The following CALCR variants were observed in gnomAD, a reference collection of about 807,000 sequenced individuals.
CALCR encodes the protein calcitonin receptor.
A neutral mutation model predicts 59.5 loss-of-function variants in CALCR; 47 were observed. That is an observed-to-expected ratio of 0.79 (90% CI 0.63 to 1.01). The LOEUF (loss-of-function observed/expected upper bound fraction) is 1.01. CALCR is among the 50% of genes least tolerant of loss of function. CALCR has a pLI of 0.00. For missense variants in CALCR, 566 were observed against 597.1 expected (o/e 0.95, Z 0.54); for synonymous variants, 213 against 211.3 (o/e 1.01, Z -0.07).
chr7:93,510,143 C>T (rs1283011859), intron 2 of CALCR, among the ~76,000 whole-genome samples: 1 of 152,028 alleles, frequency 6.6e-6, no homozygotes. Flanking sequence ...CAAAGCAGAA[C>T]TCAGAGTAGA....
intron 2 of CALCR, among the ~76,000 whole-genome samples, chr7:93,547,754 A>T (rs141519319): frequency 6.6e-6 from 1 of 152,322 alleles, no homozygotes; most frequent in Non-Finnish European, 1.5e-5. Flanking sequence ...AATTGGTCCC[A>T]GTAACTTACT....
intron 8 of CALCR, among the ~76,000 whole-genome samples, chr7:93,445,794 C>T (rs763862802): frequency 1.2e-4 from 19 of 152,078 alleles, no homozygotes; most frequent in African/African-American, 1.9e-4. Context: ...TCTCTGTAAG[C>T]CACATCACAG....
intron 7 of CALCR, among the ~76,000 whole-genome samples, chr7:93,463,558 G>T (rs1452936744): frequency 6.6e-6 from 1 of 151,890 alleles, no homozygotes; most frequent in Non-Finnish European, 1.5e-5. Context: ...ATATATGATT[G>T]TGCACTCATT....
intron 2 of CALCR, among the ~76,000 whole-genome samples, chr7:93,489,198 G>C (rs1024297282): frequency 2.0e-5 from 3 of 151,788 alleles, no homozygotes; most frequent in Admixed American, 1.3e-4. Flanking sequence ...CAGAAATCAA[G>C]AAGTTCTTGG....
chr7:93,513,876 A>T (rs1016614079), intron 2 of CALCR, among the ~76,000 whole-genome samples: 1 of 151,908 alleles, frequency 6.6e-6, no homozygotes, highest in South Asian at 2.1e-4. Context: ...AAATATATAG[A>T]TACTTCATTT....
chr7:93,476,676 C>T (rs1222854956), intron 5 of CALCR, among the ~76,000 whole-genome samples: 1 of 151,778 alleles, frequency 6.6e-6, no homozygotes, highest in East Asian at 1.9e-4. Context: ...TGGAACTGGC[C>T]TAGTAGCCTC....
intron 8 of CALCR, among the ~76,000 whole-genome samples, chr7:93,456,068 T>A (rs781539675): frequency 1.3e-5 from 2 of 152,142 alleles, no homozygotes; most frequent in Non-Finnish European, 2.9e-5. Context: ...GGAAAACGAC[T>A]GTGTTAAAAT....
At chr7:93,491,575 C>A (rs1801078035) in intron 2 of CALCR, among the ~76,000 whole-genome samples, 1 of 151,858 alleles carries the variant, frequency 6.6e-6, no homozygotes, top group Admixed American at 6.6e-5. Flanking sequence ...AAGCAAACAA[C>A]CCCATCAAAA....
chr7:93,502,634 G>T (rs1420653822), intron 2 of CALCR, among the ~76,000 whole-genome samples: 1 of 151,840 alleles, frequency 6.6e-6, no homozygotes, highest in African/African-American at 2.4e-5. Context: ...TTATAAATTG[G>T]TCCAGATTTG....
At chr7:93,560,872 C>T (rs540125814) in intron 2 of CALCR, among the ~76,000 whole-genome samples, 3 of 152,134 alleles carry the variant, frequency 2.0e-5, no homozygotes, top group Non-Finnish European at 4.4e-5. Context: ...TCACTTAACC[C>T]GATGAACTAC....
chr7:93,481,094 A>G (rs962945597), intron 3 of CALCR, among the ~76,000 whole-genome samples: 2 of 151,928 alleles, frequency 1.3e-5, no homozygotes, highest in Non-Finnish European at 2.9e-5. Flanking sequence ...GAAGAGCGGT[A>G]AGAATAATAT....
chr7:93,564,558 T>C (rs1789817403), intron 2 of CALCR, among the ~76,000 whole-genome samples: 1 of 152,122 alleles, frequency 6.6e-6, no homozygotes, highest in African/African-American at 2.4e-5. Flanking sequence ...GTTCAAGCGA[T>C]TCTCCTGCCT....
At chr7:93,501,780 C>T (rs1242958492) in intron 2 of CALCR, among the ~76,000 whole-genome samples, 1 of 152,046 alleles carries the variant, frequency 6.6e-6, no homozygotes, top group Non-Finnish European at 1.5e-5. Flanking sequence ...ACTGAGTTGA[C>T]TAAATTAATC....
intron 2 of CALCR, among the ~76,000 whole-genome samples, chr7:93,500,064 A>G (rs964693135): frequency 6.6e-6 from 1 of 151,922 alleles, no homozygotes; most frequent in Non-Finnish European, 1.5e-5. Flanking sequence ...CACTCTATAG[A>G]TGAGCAAAAG....
chr7:93,517,779 A>G (rs2116073310), intron 2 of CALCR, among the ~76,000 whole-genome samples: 1 of 152,002 alleles, frequency 6.6e-6, no homozygotes, highest in East Asian at 1.9e-4. Flanking sequence ...ATACATTTGC[A>G]ATCCAAGATA....
chr7:93,555,523 A>AAACAAC (rs530208892), intron 2 of CALCR, among the ~76,000 whole-genome samples: 11 of 152,098 alleles, frequency 7.2e-5, no homozygotes, highest in African/African-American at 2.7e-4. Context: ...ATGGAGAAGG[A>AAACAAC]AACAACAACA....
intron 2 of CALCR, among the ~76,000 whole-genome samples, chr7:93,560,802 A>G (rs1368822387): frequency 6.6e-6 from 1 of 152,116 alleles, no homozygotes; most frequent in East Asian, 1.9e-4. Context: ...ATTGTGGGTG[A>G]GGGATAACCA....
chr7:93,532,507 G>T (rs1012933930), intron 2 of CALCR, among the ~76,000 whole-genome samples: 1 of 151,986 alleles, frequency 6.6e-6, no homozygotes, highest in Non-Finnish European at 1.5e-5. Context: ...TATTGACAGG[G>T]TTCTTTACAG....
intron 11 of CALCR, 134 bp from the exon 12 acceptor site, chr7:93,436,304 G>T (rs1799777044): frequency 1.4e-5 from 10 of 698,984 alleles, no homozygotes; most frequent in Non-Finnish European, 1.9e-5. Context: ...TACCTGAGAG[G>T]TAGCACAATT....
Sources: gnomAD v4.1 joint callset for allele counts (sites outside exome capture counted in the v4.1 genomes callset) on GRCh38, gnomAD v4.1.1 for gene constraint, MANE v1.5 for transcripts, NCBI Gene and HGNC (gene_info 2026-07-23, HGNC 2026-07-21) for gene names.